SWT1: variants seen among roughly 807,000 people sequenced by gnomAD.
SWT1 encodes the protein transcriptional protein SWT1.
SWT1 carries 33 observed loss-of-function variants against 107.3 expected under a neutral mutation model. The observed-to-expected ratio is 0.31, with a 90% CI of 0.23 to 0.41. SWT1 has a LOEUF of 0.41. SWT1 is among the 10% of genes least tolerant of loss of function. SWT1 has a pLI of 1.00. For synonymous variants in SWT1, 345 were observed against 348.3 expected (o/e 0.99, Z 0.11); for missense variants, 898 against 1,028.9 (o/e 0.87, Z 1.74).
intron 18 of SWT1, among the ~76,000 whole-genome samples, chr1:185,283,949 T>A (rs1020420864): frequency 6.6e-6 from 1 of 152,198 alleles, no homozygotes; most frequent in Non-Finnish European, 1.5e-5. Context: ...TCTTTGTGTA[T>A]AAATATTTGA....
chr1:185,254,817 G>C (rs1662350171), intron 16 of SWT1, among the ~76,000 whole-genome samples: 1 of 150,686 alleles, frequency 6.6e-6, no homozygotes, highest in Admixed American at 6.6e-5. Flanking sequence ...CTTGCCTTCT[G>C]CTAGCTTTTG....
chr1:185,268,916 G>T (rs1418729441), intron 16 of SWT1, among the ~76,000 whole-genome samples: 8 of 147,952 alleles, frequency 5.4e-5, no homozygotes, highest in Admixed American at 1.4e-4. Context: ...GCAGTGGCGC[G>T]ATCTCGCCTC....
At chr1:185,179,496 C>A (rs992053884) in intron 5 of SWT1, among the ~76,000 whole-genome samples, 1 of 152,130 alleles carries the variant, frequency 6.6e-6, no homozygotes, top group Non-Finnish European at 1.5e-5. Context: ...TGTTTGAAGA[C>A]AAAATATAAA....
At chr1:185,179,237 C>G (rs1349072396) in intron 5 of SWT1, among the ~76,000 whole-genome samples, 7 of 152,082 alleles carry the variant, frequency 4.6e-5, no homozygotes, top group Non-Finnish European at 8.8e-5. Context: ...CCACTACACT[C>G]CACCCTGGGC....
chr1:185,188,121 C>G (rs1656655568), intron 9 of SWT1, among the ~76,000 whole-genome samples: 1 of 152,176 alleles, frequency 6.6e-6, no homozygotes, highest in African/African-American at 2.4e-5. Flanking sequence ...GGATACATAC[C>G]TAGTAAGTGG....
intron 6 of SWT1, among the ~76,000 whole-genome samples, chr1:185,181,540 T>A (rs969231532): frequency 2.6e-5 from 4 of 152,142 alleles, no homozygotes; most frequent in African/African-American, 7.2e-5. Flanking sequence ...ATAAAAAAAA[T>A]TTGACTCCTA....
chr1:185,269,230 C>T (rs1453473756), intron 16 of SWT1, among the ~76,000 whole-genome samples: 1 of 152,152 alleles, frequency 6.6e-6, no homozygotes, highest in Non-Finnish European at 1.5e-5. Flanking sequence ...ATTGGTTTAA[C>T]TTATCTAGAT....
chr1:185,221,013 G>A (rs1659614150), intron 14 of SWT1, among the ~76,000 whole-genome samples: 1 of 151,522 alleles, frequency 6.6e-6, no homozygotes. Context: ...AATCAAGAAG[G>A]TTCAGTCTAC....
intron 18 of SWT1, among the ~76,000 whole-genome samples, chr1:185,282,894 C>T (rs1286583905): frequency 4.6e-5 from 7 of 152,158 alleles, no homozygotes. Flanking sequence ...GGTCGACCAA[C>T]TACCTATAAA....
At position 185,214,648 on chromosome 1, in the gene SWT1, T is replaced by A; in HGVS notation, c.2114T>A (p.Phe705Tyr). ...CAAGTAAACAACCTCCTTCAGACAT[T>A]TGCAGAGGTAAGATGCCTTTGGAAT... ...FAQVNNLLQT[F>Y]AEVKTKLKPN... The change falls in exon 14 of 19, where the codon TTT (phenylalanine) becomes TAT (tyrosine). Residue 705 changes from phenylalanine to tyrosine, a missense_variant. Coordinates refer to ENST00000367500, the MANE Select transcript of SWT1 (RefSeq NM_017673.7). 1.2e-6 allele frequency: 2 copies of A among 1,608,166 alleles called. No individual in the cohort carries two copies. The highest frequency in any genetic ancestry group is 1.7e-6 in the Non-Finnish European group (2 of 1,177,782).
At chr1:185,246,547 G>A (rs776832223) in intron 16 of SWT1, among the ~76,000 whole-genome samples, 3 of 148,292 alleles carry the variant, frequency 2.0e-5, no homozygotes, top group Non-Finnish European at 4.5e-5. Flanking sequence ...AAAGTGTTAG[G>A]ATTAGAGGCA....
At chr1:185,173,036 C>T (rs1409550506) in intron 4 of SWT1, among the ~76,000 whole-genome samples, 1 of 131,408 alleles carries the variant, frequency 7.6e-6, no homozygotes, top group East Asian at 2.1e-4. Flanking sequence ...AAGCGAGACT[C>T]CGTCTCAAAA....
intron 16 of SWT1, among the ~76,000 whole-genome samples, chr1:185,267,277 C>T (rs1571666420): frequency 1.3e-5 from 2 of 152,280 alleles, no homozygotes; most frequent in South Asian, 4.1e-4. Context: ...ATGAGGTTAA[C>T]GCTGCTTTAT....
intron 13 of SWT1, among the ~76,000 whole-genome samples, chr1:185,214,204 G>C (rs991546824): frequency 6.6e-6 from 1 of 151,964 alleles, no homozygotes; most frequent in Non-Finnish European, 1.5e-5. Flanking sequence ...TGTTTCTTTG[G>C]TGATTTTCTC....
chr1:185,291,169 G>A lies in SWT1; in HGVS notation c.*366G>A, dbSNP rs1571728000. On this transcript the variant is annotated 3_prime_UTR_variant, in exon 19 of 19. Transcript: ENST00000367500. ...GTATTAGCATTTCTTTCAACCCTAA[G>A]TATGGGCATGTGACCAGAGACACTG... The A allele has an allele frequency of 6.5e-6, 1 of 154,336 alleles. No homozygotes were observed. Among genetic ancestry groups the A allele is most frequent in the Non-Finnish European group, 1.4e-5 (1 of 69,228 alleles). 9.6% of individuals were successfully genotyped at this position (154,336 alleles called of 1,614,324 possible). A position where few individuals can be genotyped will look rare whatever the true frequency, so the allele number is the denominator to read the frequency against.
intron 4 of SWT1, among the ~76,000 whole-genome samples, chr1:185,172,178 A>G (rs1463883297): frequency 3.3e-5 from 5 of 152,130 alleles, no homozygotes; most frequent in Non-Finnish European, 7.3e-5. Context: ...TGTGTTTGAC[A>G]TTTTTCCCCT....
chr1:185,190,733 A>G (rs1015905106), intron 10 of SWT1, 91 bp downstream of exon 10: 33 of 736,534 alleles, frequency 4.5e-5, no homozygotes, highest in South Asian at 6.4e-5. Flanking sequence ...CCAAGGATCA[A>G]AAACATACAT....
At chr1:185,188,168 G>A (rs1019485711) in intron 9 of SWT1, among the ~76,000 whole-genome samples, 26 of 152,052 alleles carry the variant, frequency 1.7e-4, no homozygotes, top group African/African-American at 5.6e-4. Flanking sequence ...GTCTGTTTCC[G>A]GAGTCTTTAT....
intron 16 of SWT1, among the ~76,000 whole-genome samples, chr1:185,236,580 A>G (rs1434676695): frequency 6.6e-6 from 1 of 152,240 alleles, no homozygotes; most frequent in Non-Finnish European, 1.5e-5. Context: ...AAGAGGGATT[A>G]AAGACTTAAA....
Sources: gnomAD v4.1 joint callset for allele counts (sites outside exome capture counted in the v4.1 genomes callset) on GRCh38, gnomAD v4.1.1 for gene constraint, MANE v1.5 for transcripts, NCBI Gene and HGNC (gene_info 2026-07-23, HGNC 2026-07-21) for gene names.